The following ABCB1 variants were observed in gnomAD, a reference collection of about 807,000 sequenced individuals.
ABCB1 encodes ATP binding cassette subfamily B member 1.
ABCB1 carries 69 observed loss-of-function variants against 142.0 expected under a neutral mutation model. The ratio of observed to expected loss-of-function variants is 0.49; its 90% confidence interval spans 0.40 to 0.59. The LOEUF is 0.59. Ranked by LOEUF, ABCB1 falls within the 20% of genes least tolerant of loss-of-function variation. The pLI is 0.00. For synonymous variants in ABCB1, 532 were observed against 539.2 expected (o/e 0.99, Z 0.18); for missense variants, 1,326 against 1,554.7 (o/e 0.85, Z 2.47).
intron 1 of ABCB1, among the ~76,000 whole-genome samples, chr7:87,649,494 A>C (rs1823358618): frequency 6.6e-6 from 1 of 152,212 alleles, no homozygotes; most frequent in East Asian, 1.9e-4. Flanking sequence ...AAATGCAAAT[A>C]AAATGTTTGT....
chr7:87,530,305 T>C (rs1490577181), intron 21 of ABCB1, among the ~76,000 whole-genome samples: 2 of 152,198 alleles, frequency 1.3e-5, no homozygotes, highest in Admixed American at 6.5e-5. Context: ...GATCATGTGA[T>C]ATCAGACTGC....
intron 4 of ABCB1, among the ~76,000 whole-genome samples, chr7:87,575,949 C>T (rs2129870108): frequency 6.6e-6 from 1 of 152,202 alleles, no homozygotes; most frequent in East Asian, 1.9e-4. Context: ...GGATTCCTGG[C>T]CCAGGAATTC....
intron 1 of ABCB1, among the ~76,000 whole-genome samples, chr7:87,668,387 A>G (rs1020120442): frequency 6.6e-6 from 1 of 151,838 alleles, no homozygotes; most frequent in African/African-American, 2.4e-5. Flanking sequence ...CTTCTTCTTT[A>G]TTAGTCTAAC....
chr7:87,695,012 A>G (rs1033885337), intron 1 of ABCB1, among the ~76,000 whole-genome samples: 1 of 152,156 alleles, frequency 6.6e-6, no homozygotes, highest in African/African-American at 2.4e-5. Flanking sequence ...GTTACATTTT[A>G]TAGATGAGTA....
intron 1 of ABCB1, among the ~76,000 whole-genome samples, chr7:87,690,009 T>G (rs1585111331): frequency 1.3e-5 from 2 of 152,054 alleles, no homozygotes; most frequent in East Asian, 3.8e-4. Context: ...TTTAAATTTT[T>G]TATAGAGACA....
chr7:87,562,482 T>C (rs1178455609), intron 7 of ABCB1, among the ~76,000 whole-genome samples: 1 of 152,188 alleles, frequency 6.6e-6, no homozygotes, highest in Non-Finnish European at 1.5e-5. Context: ...AGGAATGTTT[T>C]TCTGCTCCTT....
intron 20 of ABCB1, among the ~76,000 whole-genome samples, chr7:87,533,623 C>T (rs1267680952): frequency 6.6e-6 from 1 of 152,120 alleles, no homozygotes; most frequent in African/African-American, 2.4e-5. Context: ...TCTATTTCTA[C>T]AGAGTAGGAG....
intron 14 of ABCB1, among the ~76,000 whole-genome samples, chr7:87,548,540 T>A (rs999651157): frequency 6.6e-6 from 1 of 152,172 alleles, no homozygotes; most frequent in Non-Finnish European, 1.5e-5. Flanking sequence ...ATTGACAGGA[T>A]GTTAAGGAAC....
At chr7:87,709,489 A>C in intron 1 of ABCB1, 1 of 985,410 alleles carries the variant, frequency 1.0e-6, no homozygotes, top group East Asian at 1.1e-4. Context: ...AGGGCAAGCT[A>C]AAAGGGATGT....
chr7:87,659,930 A>C (rs1824518743), intron 1 of ABCB1, among the ~76,000 whole-genome samples: 1 of 152,078 alleles, frequency 6.6e-6, no homozygotes, highest in South Asian at 2.1e-4. Context: ...TCTCATGTTA[A>C]ATCACCTAAA....
At chr7:87,515,592 T>G (rs1815203833) in intron 24 of ABCB1, among the ~76,000 whole-genome samples, 164 bp from the exon 25 acceptor site, 1 of 151,990 alleles carries the variant, frequency 6.6e-6, no homozygotes, top group South Asian at 2.1e-4. Context: ...TATTATTTAT[T>G]TATTTTTTAT....
At chr7:87,538,229 G>A (rs1225331224) in intron 19 of ABCB1, among the ~76,000 whole-genome samples, 1 of 152,172 alleles carries the variant, frequency 6.6e-6, no homozygotes, top group Non-Finnish European at 1.5e-5. Context: ...GGGAAATTTG[G>A]CCCTGGAGCA....
intron 1 of ABCB1, among the ~76,000 whole-genome samples, chr7:87,702,264 G>GTTTTA (rs575267106): frequency 6.1e-4 from 87 of 143,292 alleles, no homozygotes; most frequent in South Asian, 2.9e-3. Flanking sequence ...TGGGTTTATT[G>GTTTTA]TTTTATTTTA....
chr7:87,706,166 T>C (rs1221149776), intron 1 of ABCB1, among the ~76,000 whole-genome samples: 2 of 152,216 alleles, frequency 1.3e-5, no homozygotes, highest in African/African-American at 2.4e-5. Flanking sequence ...CCATGCATCT[T>C]TCCATCCAAT....
At chr7:87,563,757 C>A (rs1283402513) in intron 7 of ABCB1, among the ~76,000 whole-genome samples, 1 of 151,946 alleles carries the variant, frequency 6.6e-6, no homozygotes, top group Non-Finnish European at 1.5e-5. Flanking sequence ...AGGATGGAAT[C>A]AACCTAAATG....
intron 1 of ABCB1, among the ~76,000 whole-genome samples, chr7:87,630,572 A>G (rs1483196584): frequency 6.6e-6 from 1 of 152,188 alleles, no homozygotes; most frequent in African/African-American, 2.4e-5. Flanking sequence ...TGCTTTAAAA[A>G]TAAGGGTAGT....
chr7:87,562,677 A>G (rs1251356668), intron 7 of ABCB1, among the ~76,000 whole-genome samples: 1 of 151,282 alleles, frequency 6.6e-6, no homozygotes, highest in Non-Finnish European at 1.5e-5. Context: ...TTTTCCTTCT[A>G]TGACCTTCCA....
chr7:87,560,894 C>T (rs1480782428), intron 8 of ABCB1, among the ~76,000 whole-genome samples: 2 of 151,906 alleles, frequency 1.3e-5, no homozygotes, highest in African/African-American at 4.8e-5. Flanking sequence ...TGAATAGGGG[C>T]AGAAAGGAAA....
chr7:87,695,464 A>AAAG (rs1208234802), intron 1 of ABCB1, among the ~76,000 whole-genome samples: 3 of 152,106 alleles, frequency 2.0e-5, no homozygotes, highest in Non-Finnish European at 4.4e-5. Flanking sequence ...AATTTTCTTT[A>AAAG]AGTATCTGAA....
Sources: allele counts gnomAD v4.1 joint callset (sites outside exome capture counted in the v4.1 genomes callset), GRCh38; gene constraint gnomAD v4.1.1; transcripts MANE v1.5; gene names NCBI Gene and HGNC (gene_info 2026-07-23, HGNC 2026-07-21).